The following TBC1D5 variants were observed in gnomAD, a reference collection of about 807,000 sequenced individuals.
TBC1D5 encodes TBC1 domain family, member 5.
Under a neutral mutation model 100.3 loss-of-function variants are expected in TBC1D5, and 75 were observed. That is an observed-to-expected ratio of 0.75 (90% CI 0.62 to 0.91). The LOEUF is 0.91. Ranked by LOEUF, TBC1D5 falls within the 40% of genes least tolerant of loss-of-function variation. The pLI, the probability that TBC1D5 is intolerant of heterozygous loss-of-function variation, is 0.00. For missense variants in TBC1D5, 910 were observed against 942.4 expected (o/e 0.97, Z 0.45); for synonymous variants, 323 against 325.6 (o/e 0.99, Z 0.09).
intron 2 of TBC1D5, among the ~76,000 whole-genome samples, chr3:17,525,088 T>G (rs1454960868): frequency 6.6e-6 from 1 of 152,126 alleles, no homozygotes; most frequent in Non-Finnish European, 1.5e-5. Flanking sequence ...GAGGAGGAAT[T>G]CTCCAACTGT....
chr3:17,241,674 C>T (rs1470758008), intron 16 of TBC1D5, among the ~76,000 whole-genome samples: 5 of 152,178 alleles, frequency 3.3e-5, no homozygotes, highest in Non-Finnish European at 7.3e-5. Context: ...CCAATTCTGA[C>T]CTGAATTCAC....
rs150108200 is a variant in TBC1D5, at chr3:17,231,072, A to G, written c.1588+7091T>C. Among the ~76,000 whole-genome samples the G allele has an allele frequency of 3.4e-3, 524 of 152,246 alleles. 4 individuals are homozygous for G. The highest frequency in any genetic ancestry group is 0.011 in the African/African-American group (477 of 41,562). Reference sequence around the variant, plus strand: ...TTTTGACCTGTAGTTGGCTGAATCCAGAGATGTGAAACCCATGGATACAGG... The same window carrying G: ...TTTTGACCTGTAGTTGGCTGAATCCGGAGATGTGAAACCCATGGATACAGG... On this transcript the variant is annotated intron_variant, in intron 17 of 21. Transcript: ENST00000253692.
chr3:17,347,857 G>C (rs2090099070), intron 13 of TBC1D5, among the ~76,000 whole-genome samples: 1 of 151,980 alleles, frequency 6.6e-6, no homozygotes, highest in Non-Finnish European at 1.5e-5. Context: ...AAAAAAATTA[G>C]TCAGGTGTGG....
chr3:17,217,953 A>T (rs1237759775), intron 17 of TBC1D5, among the ~76,000 whole-genome samples: 3 of 151,978 alleles, frequency 2.0e-5, no homozygotes, highest in Non-Finnish European at 4.4e-5. Context: ...GGTCATGAAG[A>T]TTTACTCAAG....
At chr3:17,662,551 C>T (rs745711256) in intron 1 of TBC1D5, among the ~76,000 whole-genome samples, 2 of 151,976 alleles carry the variant, frequency 1.3e-5, no homozygotes, top group Non-Finnish European at 2.9e-5. Context: ...GATAGGGTCC[C>T]GAATGTGAAG....
chr3:17,504,864 T>C (rs2095827802), intron 3 of TBC1D5, among the ~76,000 whole-genome samples: 1 of 152,206 alleles, frequency 6.6e-6, no homozygotes, highest in Non-Finnish European at 1.5e-5. Context: ...AAGATCATGA[T>C]AGGACAGCAT....
intron 19 of TBC1D5, among the ~76,000 whole-genome samples, chr3:17,170,842 A>G (rs1323733638): frequency 6.6e-6 from 1 of 152,138 alleles, no homozygotes; most frequent in East Asian, 1.9e-4. Context: ...GAGTAGAGAA[A>G]CTAAGTGTGG....
At position 17,515,055 on chromosome 3, in the gene TBC1D5, G is replaced by A. The variant is rs951318947; in HGVS notation, c.-35-6450C>T. ...AATACAACATACAATTAGGAATTTA[G>A]GAAAAATAAAATTTGAAAAGAGAAA... On this transcript the variant is annotated intron_variant, in intron 2 of 21. Transcript: ENST00000253692. Among the ~76,000 whole-genome samples, 3 of 151,730 alleles carry A rather than the reference G, an allele frequency of 2.0e-5. No individual in the cohort carries two copies. In the East Asian group the frequency reaches 5.8e-4, roughly 29 times the overall value.
intron 3 of TBC1D5, among the ~76,000 whole-genome samples, chr3:17,442,676 T>G (rs900416546): frequency 6.6e-6 from 1 of 152,134 alleles, no homozygotes; most frequent in Admixed American, 6.5e-5. Flanking sequence ...AACCATAATA[T>G]TAATATCAAC....
chr3:17,320,086 G>A (rs1005835819), intron 13 of TBC1D5, among the ~76,000 whole-genome samples: 4 of 152,124 alleles, frequency 2.6e-5, no homozygotes, highest in African/African-American at 9.7e-5. Flanking sequence ...ATGTGATGCT[G>A]CATTGATTAT....
Position 17,212,134 on chromosome 3 carries a change from G to A in TBC1D5, c.1752+2073C>T, listed in dbSNP as rs560534381. 3.3e-5 allele frequency among the ~76,000 whole-genome samples: 5 copies of A among 152,210 alleles called. No homozygotes were observed. The South Asian group carries it at 1.0e-3, about 32-fold the overall frequency. Reference sequence around the variant, plus strand: ...TTCAGCTATAGCTAGATCCTTTTCTGTATTACCTTGGCATCCTCTTCCACT... The same window carrying A: ...TTCAGCTATAGCTAGATCCTTTTCTATATTACCTTGGCATCCTCTTCCACT... On this transcript the variant is annotated intron_variant, in intron 18 of 21. Coordinates refer to ENST00000253692, the Ensembl canonical transcript of TBC1D5.
intron 2 of TBC1D5, among the ~76,000 whole-genome samples, chr3:17,592,110 T>A (rs771396620): frequency 9.9e-5 from 15 of 152,218 alleles, no homozygotes; most frequent in Non-Finnish European, 1.8e-4. Context: ...TCCATTCCTG[T>A]CCATAAGGCC....
chr3:17,683,377 C>T (rs1249636316), intron 1 of TBC1D5, among the ~76,000 whole-genome samples: 2 of 151,086 alleles, frequency 1.3e-5, no homozygotes, highest in Non-Finnish European at 2.9e-5. Flanking sequence ...TGCACATCCA[C>T]GAGGCAAACA....
intron 2 of TBC1D5, among the ~76,000 whole-genome samples, chr3:17,578,782 T>C (rs1283727109): frequency 1.3e-5 from 2 of 152,028 alleles, no homozygotes; most frequent in African/African-American, 2.4e-5. Context: ...TTTTATTCCA[T>C]GTTGCTAGAG....
chr3:17,556,924 C>A (rs1184098554), intron 2 of TBC1D5, among the ~76,000 whole-genome samples: 1 of 152,172 alleles, frequency 6.6e-6, no homozygotes, highest in Admixed American at 6.5e-5. Context: ...ATTTAAGACA[C>A]TGGCAAACAC....
chr3:17,544,716 T>C (rs1295605151), intron 2 of TBC1D5, among the ~76,000 whole-genome samples: 1 of 151,740 alleles, frequency 6.6e-6, no homozygotes, highest in African/African-American at 2.4e-5. Flanking sequence ...GAAGATAATT[T>C]AGATTATTCC....
chr3:17,438,961 A>G (rs917555991), intron 3 of TBC1D5, among the ~76,000 whole-genome samples: 50 of 152,098 alleles, frequency 3.3e-4, no homozygotes, highest in Admixed American at 1.5e-3. Context: ...CATATTATTT[A>G]CTATATAAAA....
intron 1 of TBC1D5, among the ~76,000 whole-genome samples, chr3:17,645,013 C>T (rs769099829): frequency 1.3e-5 from 2 of 152,014 alleles, no homozygotes; most frequent in South Asian, 2.1e-4. Context: ...AACTATTAAA[C>T]GGGGTCACTG....
intron 18 of TBC1D5, among the ~76,000 whole-genome samples, chr3:17,192,570 C>T (rs2070087826): frequency 6.6e-6 from 1 of 152,174 alleles, no homozygotes; most frequent in African/African-American, 2.4e-5. Context: ...CAGTAAATAG[C>T]AGTTCCCATT....
Sources: allele counts gnomAD v4.1 joint callset (sites outside exome capture counted in the v4.1 genomes callset), GRCh38; gene constraint gnomAD v4.1.1; transcripts MANE v1.5; gene names NCBI Gene and HGNC (gene_info 2026-07-23, HGNC 2026-07-21).